The following SRBD1 variants were observed in gnomAD, a reference collection of about 807,000 sequenced individuals.
SRBD1 encodes the protein S1 RNA binding domain 1.
Under a neutral mutation model 115.3 loss-of-function variants are expected in SRBD1, and 88 were observed. The observed-to-expected ratio is 0.76, with a 90% CI of 0.64 to 0.91. The LOEUF (loss-of-function observed/expected upper bound fraction) is 0.91, where lower values mean the gene tolerates loss of function less well. Ranked by LOEUF, SRBD1 falls within the 40% of genes least tolerant of loss-of-function variation. SRBD1 has a pLI of 0.00. For synonymous variants in SRBD1, 509 were observed against 407.7 expected, an observed-to-expected ratio of 1.25 and a Z score of -2.99; for missense variants, 1,385 against 1,177.4, an observed-to-expected ratio of 1.18 and a Z score of -2.58.
At chr2:45,571,958 G>A (rs1420398618) in intron 9 of SRBD1, among the ~76,000 whole-genome samples, 1 of 152,036 alleles carries the variant, frequency 6.6e-6, no homozygotes, top group Non-Finnish European at 1.5e-5. Context: ...GCGCAGAAAG[G>A]ATATTTTTTA....
chr2:45,507,374 C>T (rs941882644), intron 14 of SRBD1, among the ~76,000 whole-genome samples: 1 of 152,048 alleles, frequency 6.6e-6, no homozygotes, highest in African/African-American at 2.4e-5. Flanking sequence ...AGCCAAATCA[C>T]AAAAGACTAT....
rs547882143 is a variant in SRBD1, at chr2:45,579,143, T to C, written c.1072+732A>G. On this transcript the variant is annotated intron_variant, in intron 7 of 20. Coordinates refer to ENST00000263736, the MANE Select transcript of SRBD1 (RefSeq NM_018079.5). ...AGACTCATTTTTACAATAAAACCAA[T>C]GCATCTTGACATTTATCAACTGTCA... Among the ~76,000 whole-genome samples the C allele has an allele frequency of 9.2e-5, 14 of 152,336 alleles. 1 individual carries two copies. The East Asian group carries it at 2.7e-3, about 29-fold the overall frequency.
chr2:45,571,445 C>T (rs1673006776), intron 9 of SRBD1, among the ~76,000 whole-genome samples: 1 of 127,454 alleles, frequency 7.8e-6, no homozygotes, highest in South Asian at 2.5e-4. Flanking sequence ...GCAGCAACAA[C>T]AAACAGGGGA....
intron 16 of SRBD1, among the ~76,000 whole-genome samples, chr2:45,467,742 T>G (rs1216501771): frequency 6.6e-6 from 1 of 152,152 alleles, no homozygotes; most frequent in Non-Finnish European, 1.5e-5. Flanking sequence ...TAACATATAA[T>G]ATGAAATGTA....
intron 14 of SRBD1, among the ~76,000 whole-genome samples, chr2:45,521,659 C>G (rs1671286805): frequency 6.6e-6 from 1 of 151,934 alleles, no homozygotes; most frequent in Non-Finnish European, 1.5e-5. Context: ...TATATATTAC[C>G]AGCAATTACA....
intron 14 of SRBD1, among the ~76,000 whole-genome samples, chr2:45,508,987 T>C (rs1012876355): frequency 1.3e-5 from 2 of 151,418 alleles, no homozygotes; most frequent in African/African-American, 2.4e-5. Flanking sequence ...AGTTGGGAGG[T>C]GGGGGCAGGG....
chr2:45,419,378 A>C (rs1357645626), intron 17 of SRBD1, among the ~76,000 whole-genome samples: 2 of 152,346 alleles, frequency 1.3e-5, no homozygotes, highest in Non-Finnish European at 1.5e-5. Flanking sequence ...AATCAGGGTA[A>C]AAATATGGTA....
At chr2:45,399,257 C>T (rs1022786317) in intron 19 of SRBD1, among the ~76,000 whole-genome samples, 2 of 152,126 alleles carry the variant, frequency 1.3e-5, no homozygotes, top group African/African-American at 4.8e-5. Context: ...GAAAAGCATA[C>T]TCAGCTTTAT....
At chr2:45,436,963 C>T (rs925007640) in intron 16 of SRBD1, among the ~76,000 whole-genome samples, 1 of 152,122 alleles carries the variant, frequency 6.6e-6, no homozygotes, top group Non-Finnish European at 1.5e-5. Flanking sequence ...AACTGTTTTC[C>T]TATATGCCAG....
At chr2:45,600,165 A>G (rs1674047044) in intron 3 of SRBD1, among the ~76,000 whole-genome samples, 1 of 152,184 alleles carries the variant, frequency 6.6e-6, no homozygotes, top group Middle Eastern at 3.2e-3. Flanking sequence ...CATGTGCGAT[A>G]AAATTGCACA....
intron 15 of SRBD1, among the ~76,000 whole-genome samples, chr2:45,482,824 A>T (rs1670007273): frequency 1.3e-5 from 2 of 152,078 alleles, no homozygotes; most frequent in South Asian, 4.1e-4. Context: ...TTTATATAAA[A>T]TGGAGTACCA....
At chr2:45,478,497 T>A (rs1329713569) in intron 15 of SRBD1, among the ~76,000 whole-genome samples, 1 of 152,224 alleles carries the variant, frequency 6.6e-6, no homozygotes. Context: ...TTACACAATC[T>A]ATTTTTCTCC....
At chr2:45,492,691 G>C (rs1024679537) in intron 14 of SRBD1, among the ~76,000 whole-genome samples, 2 of 151,780 alleles carry the variant, frequency 1.3e-5, no homozygotes, top group Non-Finnish European at 2.9e-5. Flanking sequence ...CGCCTGCCTC[G>C]GCCTCCCAAA....
chr2:45,607,234 A>G (rs1014955527), intron 1 of SRBD1, among the ~76,000 whole-genome samples: 4 of 152,246 alleles, frequency 2.6e-5, no homozygotes, highest in African/African-American at 7.2e-5. Flanking sequence ...CCACAACAAA[A>G]TAAGAATGGA....
Position 45,556,326 on chromosome 2 carries a change from C to T in SRBD1, c.1410-2596G>A, listed in dbSNP as rs371478665. Among the ~76,000 whole-genome samples, 3 of 149,918 alleles carry T rather than the reference C, an allele frequency of 2.0e-5. No individual in the cohort carries two copies. In the South Asian group the frequency reaches 6.3e-4, roughly 31 times the overall value. On this transcript the variant is annotated intron_variant, in intron 10 of 20. Transcript: ENST00000263736. ...CAAATATCTAAACAAATGTATGGCA[C>T]AATAAATGTAAAAACAGAAATAAAT...
chr2:45,537,487 T>C (rs1671800301), intron 14 of SRBD1, among the ~76,000 whole-genome samples: 1 of 152,164 alleles, frequency 6.6e-6, no homozygotes, highest in South Asian at 2.1e-4. Context: ...TAACATAGTC[T>C]TGGTTCTGAG....
At chr2:45,571,802 C>T (rs988823423) in intron 9 of SRBD1, among the ~76,000 whole-genome samples, 10 of 151,644 alleles carry the variant, frequency 6.6e-5, no homozygotes, top group African/African-American at 2.4e-4. Context: ...AATAAATCAA[C>T]AAGCCTGAAG....
intron 16 of SRBD1, among the ~76,000 whole-genome samples, chr2:45,452,913 G>A (rs3821056): frequency 0.74 from 111,815 of 151,894 alleles, 42,215 homozygotes; most frequent in African/African-American, 0.85. Flanking sequence ...TAGAATGTCT[G>A]AAGCTATCAC....
At chr2:45,566,344 G>T (rs1321815649) in intron 9 of SRBD1, among the ~76,000 whole-genome samples, 1 of 152,138 alleles carries the variant, frequency 6.6e-6, no homozygotes, top group African/African-American at 2.4e-5. Context: ...GTAAAATGTG[G>T]AGAATCCATA....
Sources: gnomAD v4.1 joint callset for allele counts (sites outside exome capture counted in the v4.1 genomes callset) on GRCh38, gnomAD v4.1.1 for gene constraint, MANE v1.5 for transcripts, NCBI Gene and HGNC (gene_info 2026-07-23, HGNC 2026-07-21) for gene names.